SLC45A4: variants seen among roughly 807,000 people sequenced by gnomAD.
SLC45A4 encodes polyamine-transporter SLC45A4.
A neutral mutation model predicts 63.7 loss-of-function variants in SLC45A4; 32 were observed. That is an observed-to-expected ratio of 0.50 (90% CI 0.38 to 0.67). The LOEUF is 0.67. SLC45A4 is among the 30% of genes least tolerant of loss of function. The probability of loss-of-function intolerance (pLI) is 0.00; values close to 1 mark genes in which losing one functional copy is unlikely to be tolerated. For synonymous variants in SLC45A4, 535 were observed against 510.0 expected (o/e 1.05, Z -0.66); for missense variants, 1,027 against 1,157.7 (o/e 0.89, Z 1.64).
chr8:141,305,782 C>T (rs183082119), intron 1 of SLC45A4, among the ~76,000 whole-genome samples: 33 of 151,778 alleles, frequency 2.2e-4, no homozygotes, highest in African/African-American at 6.5e-4. Flanking sequence ...CTGCGCTGCA[C>T]TCCTCTGTCC....
intron 1 of SLC45A4, among the ~76,000 whole-genome samples, chr8:141,266,878 T>A (rs1829288374): frequency 6.6e-6 from 1 of 152,198 alleles, no homozygotes. Flanking sequence ...TTCCCACAAA[T>A]GTCCGCCATC....
Position 141,218,131 on chromosome 8 carries a change from C to T in SLC45A4, c.1509G>A (p.Lys503=). ...TVRLLWLSML[K]MPRELMRLCL... is the part of the protein sequence containing the mutation. ...ACAGCCGCATCAGCTCCCTGGGCAT[C>T]TTCAGCATGGAGAGCCACAGCAGGC... Residue 503 remains lysine (K), a synonymous_variant, in exon 5 of 9, where the codon AAG becomes AAA. Coordinates refer to ENST00000517878, the MANE Select transcript of SLC45A4 (RefSeq NM_001286646.2). 1.2e-6 allele frequency: 2 copies of T among 1,611,750 alleles called. No homozygotes were observed. Among genetic ancestry groups the T allele is most frequent in the Non-Finnish European group, 1.7e-6 (2 of 1,179,980 alleles).
intron 1 of SLC45A4, among the ~76,000 whole-genome samples, chr8:141,271,999 T>C (rs777577029): frequency 6.6e-6 from 1 of 151,796 alleles, no homozygotes; most frequent in Non-Finnish European, 1.5e-5. Flanking sequence ...CATACACGTG[T>C]GCATGCAACA....
intron 1 of SLC45A4, among the ~76,000 whole-genome samples, chr8:141,267,643 T>C (rs938478832): frequency 6.6e-6 from 1 of 151,876 alleles, no homozygotes; most frequent in African/African-American, 2.4e-5. Flanking sequence ...TCTTTTGCTA[T>C]ATGGGGGAAA....
At chr8:141,305,866 T>C (rs1589872655) in intron 1 of SLC45A4, among the ~76,000 whole-genome samples, 1 of 148,552 alleles carries the variant, frequency 6.7e-6, no homozygotes, top group Admixed American at 6.9e-5. Context: ...CTGAAATACC[T>C]TCCTCGGCTC....
intron 1 of SLC45A4, among the ~76,000 whole-genome samples, chr8:141,269,218 G>C (rs1481003994): frequency 1.3e-5 from 2 of 152,218 alleles, no homozygotes; most frequent in Non-Finnish European, 2.9e-5. Context: ...GTCCCAGTTA[G>C]AACACCCCAG....
chr8:141,246,663 C>G (rs536500259), intron 2 of SLC45A4, among the ~76,000 whole-genome samples: 11 of 32,360 alleles, frequency 3.4e-4, no homozygotes, highest in Admixed American at 3.2e-3. Context: ...CGGGGTCACA[C>G]AGAGGGTATC....
chr8:141,218,865 T>A lies in SLC45A4; in HGVS notation c.775A>T (p.Ser259Cys). The change falls in exon 5 of 9, where the codon AGC becomes TGC. Residue 259 changes from serine (S) to cysteine (C), a missense_variant. Physicochemically the swap from Ser to Cys is moderately radical, Grantham distance 112 (BLOSUM62 -1). Coordinates refer to ENST00000517878, the MANE Select transcript of SLC45A4 (RefSeq NM_001286646.2). ...TCAGCGCTGCGCTCCTGCTGCGGGC[T>A]GTACTGCTCCTCGTCGATGCTGAAC... The part of the protein sequence containing the change: ...HLFSIDEEQY[S>C]PQQERSAEEP... 1 of 1,613,534 alleles carries A rather than the reference T, an allele frequency of 6.2e-7. No homozygotes were observed. Among genetic ancestry groups the A allele is most frequent in the Non-Finnish European group, 8.5e-7 (1 of 1,179,932 alleles).
intron 2 of SLC45A4, among the ~76,000 whole-genome samples, chr8:141,249,491 G>T (rs989837932): frequency 2.6e-5 from 4 of 152,206 alleles, no homozygotes; most frequent in Admixed American, 6.5e-5. Context: ...TGTGATTCCA[G>T]TTACATCAAT....
chr8:141,220,885 C>G (rs1017315136), intron 3 of SLC45A4, among the ~76,000 whole-genome samples: 5 of 152,246 alleles, frequency 3.3e-5, no homozygotes, highest in Admixed American at 1.3e-4. Context: ...AGCTCCGCGC[C>G]CAGCAGGCGC....
At chr8:141,282,809 G>C (rs73366488) in intron 1 of SLC45A4, among the ~76,000 whole-genome samples, 3 of 152,242 alleles carry the variant, frequency 2.0e-5, no homozygotes, top group Non-Finnish European at 4.4e-5. Context: ...CCGTGGGCCT[G>C]AGCTCAGCTC....
At chr8:141,260,653 C>T (rs897527657) in intron 1 of SLC45A4, among the ~76,000 whole-genome samples, 2 of 152,210 alleles carry the variant, frequency 1.3e-5, no homozygotes, top group African/African-American at 4.8e-5. Context: ...TCGACACATA[C>T]ACCCTCCCAA....
chr8:141,305,733 G>A (rs1830876701), intron 1 of SLC45A4, among the ~76,000 whole-genome samples: 1 of 152,110 alleles, frequency 6.6e-6, no homozygotes, highest in Admixed American at 6.5e-5. Flanking sequence ...AGGGCACTGG[G>A]ATGCACCACG....
intron 1 of SLC45A4, among the ~76,000 whole-genome samples, chr8:141,285,787 C>T (rs1266338871): frequency 1.3e-5 from 2 of 152,192 alleles, no homozygotes; most frequent in Admixed American, 6.5e-5. Context: ...GCCGAGGGCA[C>T]CTGAACACAT....
chr8:141,254,726 C>CGAGGG lies in SLC45A4; in HGVS notation c.-400-102_-400-98dup. The CGAGGG allele has an allele frequency of 1.5e-6, 1 of 685,266 alleles. No individual in the cohort carries two copies. The highest frequency in any genetic ancestry group is 1.5e-5 in the South Asian group (1 of 66,556). 42.4% of individuals were successfully genotyped at this position (685,266 alleles called of 1,614,324 possible). ...CGACCCCCGAGCAAGCCGTGTGCCCCGAGGGCCCGACCCAAGATCACACAG... is the reference window on the plus strand; with the variant it reads ...CGACCCCCGAGCAAGCCGTGTGCCCCGAGGGGAGGGCCCGACCCAAGATCACACAG... On this transcript the variant is annotated intron_variant, in intron 1 of 8. Transcript: ENST00000517878. The surrounding 1 kb of genome is among the most constrained non-coding windows in gnomAD (Gnocchi z 4.5).
chr8:141,212,668 C>T (rs1035307867), intron 7 of SLC45A4, 112 bp from the exon 8 acceptor site: 12 of 1,348,354 alleles, frequency 8.9e-6, no homozygotes, highest in South Asian at 4.4e-5. Context: ...CGTCTTCCAC[C>T]GAGTCTCTTG....
chr8:141,268,025 G>A (rs1051309084), intron 1 of SLC45A4, among the ~76,000 whole-genome samples: 2 of 152,132 alleles, frequency 1.3e-5, no homozygotes, highest in East Asian at 1.9e-4. Flanking sequence ...TGTGAGAGCC[G>A]CTTTATTCGT....
chr8:141,218,526 T>G lies in SLC45A4; in HGVS notation c.1114A>C (p.Thr372Pro), dbSNP rs1457021868. 1 of 1,613,536 alleles carries G rather than the reference T, an allele frequency of 6.2e-7. No homozygotes were observed. Among genetic ancestry groups the G allele is most frequent in the Admixed American group, 1.7e-5 (1 of 60,024 alleles). Reference sequence around the variant, plus strand: ...TCATTCAAGTGATTATCCAGCAAGGTCTCGTCCTCCTTGGCGGCTTCCTTG... The same window carrying G: ...TCATTCAAGTGATTATCCAGCAAGGGCTCGTCCTCCTTGGCGGCTTCCTTG... Reference protein sequence around the residue: ...FLKEAAKEDETLLDNHLNEAK... With the variant: ...FLKEAAKEDEPLLDNHLNEAK... The change falls in exon 5 of 9, where the codon ACC (threonine) becomes CCC (proline). Residue 372 changes from threonine to proline, a missense_variant. By Grantham distance (38) the Thr-to-Pro change is conservative (BLOSUM62 -1). Coordinates refer to ENST00000517878, the MANE Select transcript of SLC45A4 (RefSeq NM_001286646.2).
rs891182721 is a variant in SLC45A4, at chr8:141,208,802, C to G, written c.*2770G>C. 6.6e-6 allele frequency: 1 copy of G among 152,316 alleles called. No homozygotes were observed. Among genetic ancestry groups the G allele is most frequent in the African/African-American group, 2.4e-5 (1 of 41,474 alleles). 9.4% of individuals were successfully genotyped at this position (152,316 alleles called of 1,614,324 possible). Reference sequence around the variant, plus strand: ...CCCTTCCCGCCAGCTCGCATTCCTGCACCTGGAAACTTCTGCCATGTGTTA... The same window carrying G: ...CCCTTCCCGCCAGCTCGCATTCCTGGACCTGGAAACTTCTGCCATGTGTTA... On this transcript the variant is annotated 3_prime_UTR_variant, in exon 9 of 9. Transcript: ENST00000517878.
Sources: allele counts gnomAD v4.1 joint callset (sites outside exome capture counted in the v4.1 genomes callset), GRCh38; gene constraint gnomAD v4.1.1; non-coding constraint Gnocchi (gnomAD v3.1); transcripts MANE v1.5; gene names NCBI Gene and HGNC (gene_info 2026-07-23, HGNC 2026-07-21).